The following PROSER3 variants were observed in gnomAD, a reference collection of about 807,000 sequenced individuals.
The protein encoded by PROSER3 is proline and serine-rich protein 3.
A neutral mutation model predicts 50.2 loss-of-function variants in PROSER3; 33 were observed. That is an observed-to-expected ratio of 0.66 (90% CI 0.50 to 0.88). The LOEUF is 0.88. Ranked by LOEUF, PROSER3 falls within the 40% of genes least tolerant of loss-of-function variation. The pLI is 0.00. For missense variants in PROSER3, 623 were observed against 612.7 expected, an observed-to-expected ratio of 1.02 and a Z score of -0.18; for synonymous variants, 266 against 259.3, an observed-to-expected ratio of 1.03 and a Z score of -0.25.
At chr19:35,768,111 A>G (rs1325957692) in intron 9 of PROSER3, 44 bp from the exon 10 acceptor site, 3 of 1,599,944 alleles carry the variant, frequency 1.9e-6, no homozygotes, top group South Asian at 2.2e-5. Context: ...CCAGCCCCCT[A>G]AGAGGCCGGC....
Position 35,768,170 on chromosome 19 carries a change from A to C in PROSER3, c.1235A>C (p.Glu412Ala), listed in dbSNP as rs1971234516. 4 of 1,613,520 alleles carry C rather than the reference A, an allele frequency of 2.5e-6. No individual in the cohort carries two copies. In the East Asian group the frequency reaches 8.9e-5, roughly 36 times the overall value. ...CCCGGCCCAGACTCCGACGGCAGCGAGTTCCAGGACGATCCCGTGCTGCAG... is the reference window on the plus strand; with the variant it reads ...CCCGGCCCAGACTCCGACGGCAGCGCGTTCCAGGACGATCCCGTGCTGCAG... The change falls in exon 10 of 11, where the codon GAG becomes GCG. Residue 412 changes from glutamate to alanine, a missense_variant. Physicochemically the swap from Glu to Ala is moderately radical, Grantham distance 107. Around this residue, in one of 3 missense-constraint regions of PROSER3, gnomAD observed 380 missense variants for 346.8 expected, o/e 1.10. Coordinates refer to ENST00000396908, the Ensembl canonical transcript of PROSER3.
intron 5 of PROSER3, among the ~76,000 whole-genome samples, chr19:35,763,808 CTT>C (rs74172759): frequency 5.4e-5 from 7 of 130,526 alleles, no homozygotes; most frequent in Admixed American, 7.8e-5. Context: ...GCCCGGCCTT[CTT>C]TTTTTTTTTT....
downstream of PROSER3, chr19:35,770,867 C>T (rs1971301926): frequency 6.9e-6 from 1 of 144,798 alleles, no homozygotes; most frequent in East Asian, 2.1e-4. Flanking sequence ...CTCTCTCTGA[C>T]ACTTGCTTTA....
intron 1 of PROSER3, 60 bp from the exon 2 acceptor site, chr19:35,759,314 C>T: frequency 7.4e-7 from 1 of 1,355,576 alleles, no homozygotes; most frequent in Non-Finnish European, 1.0e-6. Context: ...CCTCTAATGT[C>T]CCCCTCCCCA....
intron 7 of PROSER3, among the ~76,000 whole-genome samples, chr19:35,765,457 G>A (rs965882627): frequency 6.6e-6 from 1 of 152,130 alleles, no homozygotes; most frequent in Non-Finnish European, 1.5e-5. Flanking sequence ...GTGCATGCCT[G>A]TAGTCTTAGC....
In PROSER3 at chr19:35,758,234, C is replaced by G. The variant is rs550909936; in HGVS notation, c.11+8C>G. On this transcript the variant is annotated splice_region_variant and intron_variant, in intron 1 of 10. Coordinates refer to ENST00000396908, the Ensembl canonical transcript of PROSER3. ...CCGCGGGATGGACCGCAGGTGAGGC[C>G]GATCGCTCTTCCAGGGACTACAGGA... The G allele has an allele frequency of 1.4e-5, 22 of 1,562,102 alleles. No homozygotes were observed. Among genetic ancestry groups the G allele is most frequent in the Non-Finnish European group, 1.9e-5 (22 of 1,153,274 alleles).
chr19:35,766,962 CGAGG>C lies in PROSER3; in HGVS notation c.957+16_957+19del, dbSNP rs1568413280. ...CCCTGCCCTCCGCACGTTGGTGAGCCGAGGGAGGGAGGAGCCTGGGGGGAGCTGG... is the reference window on the plus strand; with the variant it reads ...CCCTGCCCTCCGCACGTTGGTGAGCCGAGGGAGGAGCCTGGGGGGAGCTGG... On this transcript the variant is annotated splice_region_variant and intron_variant, in intron 8 of 10. Transcript: ENST00000396908. The C allele has an allele frequency of 1.9e-6, 3 of 1,543,154 alleles. No homozygotes were observed. The highest frequency in any genetic ancestry group is 2.6e-6 in the Non-Finnish European group (3 of 1,139,942).
chr19:35,759,220 G>C, intron 1 of PROSER3, 154 bp from the exon 2 acceptor site: 1 of 657,672 alleles, frequency 1.5e-6, no homozygotes, highest in South Asian at 1.9e-5. Context: ...TTCCACTGTC[G>C]ATATCCTGAA....
At chr19:35,759,692 C>A in intron 2 of PROSER3, 97 bp from the exon 3 acceptor site, 1 of 1,209,644 alleles carries the variant, frequency 8.3e-7, no homozygotes, top group Non-Finnish European at 1.2e-6. Context: ...GTGTTTCCTC[C>A]CCTCTGGACT....
At chr19:35,760,332 C>T (rs1408953483) in intron 3 of PROSER3, among the ~76,000 whole-genome samples, 1 of 152,190 alleles carries the variant, frequency 6.6e-6, no homozygotes, top group African/African-American at 2.4e-5. Flanking sequence ...GTCCTCCCAC[C>T]TCAGCCTCCT....
At chr19:35,768,298 T>A (rs531952370) in intron 10 of PROSER3, 62 bp downstream of exon 10, 2 of 1,583,854 alleles carry the variant, frequency 1.3e-6, no homozygotes, top group East Asian at 4.6e-5. Context: ...TGAGACCCGG[T>A]TAGGCATCCA....
intron 8 of PROSER3, chr19:35,767,513 C>T (rs942157022): frequency 2.1e-5 from 10 of 465,358 alleles, no homozygotes; most frequent in Non-Finnish European, 3.5e-5. Context: ...CATCCCTGAC[C>T]CAAGCAGCTG....
rs115018933 is a variant in PROSER3 at position 35,767,160 on chromosome 19, C to T, written c.957+205C>T. ...TGGAGCAGTGTGGCCCAGCCTGGTCCACCAGAGGCCTTCTATGTGGAGAGG... is the reference window on the plus strand; with the variant it reads ...TGGAGCAGTGTGGCCCAGCCTGGTCTACCAGAGGCCTTCTATGTGGAGAGG... On this transcript the variant is annotated intron_variant, in intron 8 of 10. Coordinates refer to ENST00000396908, the Ensembl canonical transcript of PROSER3. The T allele has an allele frequency of 2.5e-3, 1,453 of 579,098 alleles. 17 individuals carry two copies. The highest frequency in any genetic ancestry group is 0.024 in the African/African-American group (1,291 of 52,734). 35.9% of individuals were successfully genotyped at this position (579,098 alleles called of 1,614,324 possible).
chr19:35,764,692 G>A (rs559036726), intron 5 of PROSER3, among the ~76,000 whole-genome samples, 162 bp from the exon 6 acceptor site: 1 of 151,856 alleles, frequency 6.6e-6, no homozygotes, highest in African/African-American at 2.4e-5. Flanking sequence ...CTAATCCAAA[G>A]GGGAAAACTG....
At chr19:35,761,059 G>A (rs1230042978) in intron 3 of PROSER3, among the ~76,000 whole-genome samples, 3 of 152,224 alleles carry the variant, frequency 2.0e-5, no homozygotes, top group Non-Finnish European at 4.4e-5. Context: ...CTTCTGTCTT[G>A]TTGCTGTCCG....
At chr19:35,765,862 G>C (rs1195532900) in intron 7 of PROSER3, among the ~76,000 whole-genome samples, 1 of 152,144 alleles carries the variant, frequency 6.6e-6, no homozygotes, top group Non-Finnish European at 1.5e-5. Flanking sequence ...GTTTTGAATA[G>C]GGAAGCCAGG....
intron 5 of PROSER3, among the ~76,000 whole-genome samples, chr19:35,764,290 T>A (rs1331601281): frequency 6.6e-6 from 1 of 152,162 alleles, no homozygotes; most frequent in Non-Finnish European, 1.5e-5. Context: ...AACCAGAGGA[T>A]AGAATGCTCT....
chr19:35,768,536 A>G, exon 11 of PROSER3: 4 of 1,593,350 alleles, frequency 2.5e-6, no homozygotes, highest in Non-Finnish European at 3.4e-6. Context: ...TGGAGGCCAG[A>G]AGACTTTGAA....
At chr19:35,767,708 C>A in intron 8 of PROSER3, 1 of 1,449,564 alleles carries the variant, frequency 6.9e-7, no homozygotes, top group Non-Finnish European at 9.3e-7. Context: ...CTTCGAGGGC[C>A]CCCCTCCACC....
Sources: gnomAD v4.1 joint callset for allele counts (sites outside exome capture counted in the v4.1 genomes callset) on GRCh38, gnomAD v4.1.1 for gene constraint, gnomAD v4.1.1 regional missense constraint, MANE v1.5 for transcripts, NCBI Gene and HGNC (gene_info 2026-07-23, HGNC 2026-07-21) for gene names.